Variants in NAA11 observed in about 807,000 individuals in gnomAD.
The protein encoded by NAA11 is N-alpha-acetyltransferase 11.
Under a neutral mutation model 16.1 loss-of-function variants are expected in NAA11, and 15 were observed. The observed-to-expected ratio is 0.93, with a 90% CI of 0.62 to 1.44. The LOEUF is 1.44. Ranked by LOEUF, NAA11 falls within the 40% of genes most tolerant of loss-of-function variation. NAA11 has a pLI of 0.00. For synonymous variants in NAA11, 122 were observed against 112.4 expected, an observed-to-expected ratio of 1.09 and a Z score of -0.54; for missense variants, 298 against 291.3, an observed-to-expected ratio of 1.02 and a Z score of -0.17.
chr4:79,230,864 T>C (rs1721445886), intron 2 of NAA11, among the ~76,000 whole-genome samples: 1 of 152,064 alleles, frequency 6.6e-6, no homozygotes. Context: ...TCCATAGTTC[T>C]ACTCTCCCAT....
At chr4:79,174,847 C>T in the NAA11 span, among the ~76,000 whole-genome samples, 23 of 152,096 alleles carry the variant, frequency 1.5e-4, no homozygotes, top group South Asian at 4.2e-3. Context: ...ACCTCTTATC[C>T]GAATGCAAAT....
chr4:79,213,387 A>G, the NAA11 span, among the ~76,000 whole-genome samples: 5 of 152,036 alleles, frequency 3.3e-5, no homozygotes, highest in Non-Finnish European at 5.9e-5. Context: ...AATCAGAGCC[A>G]TGGTTTGAGG....
chr4:79,292,084 C>T (rs755081208), intron 2 of NAA11, among the ~76,000 whole-genome samples: 5 of 152,106 alleles, frequency 3.3e-5, no homozygotes, highest in East Asian at 1.9e-4. Context: ...ATGTGTGTGC[C>T]GCTCCAATAA....
At chr4:79,305,835 T>G (rs1344363087) in intron 1 of NAA11, among the ~76,000 whole-genome samples, 2 of 152,132 alleles carry the variant, frequency 1.3e-5, no homozygotes, top group African/African-American at 4.8e-5. Context: ...AAAATCTAGT[T>G]TTCATCATTT....
intron 2 of NAA11, among the ~76,000 whole-genome samples, chr4:79,277,674 C>A (rs558538038): frequency 6.6e-6 from 1 of 152,118 alleles, no homozygotes; most frequent in South Asian, 2.1e-4. Context: ...TAACTCATTC[C>A]GATTACCTGC....
downstream of NAA11, among the ~76,000 whole-genome samples, chr4:79,312,941 G>C (rs1479339958): frequency 6.6e-6 from 1 of 152,194 alleles, no homozygotes; most frequent in African/African-American, 2.4e-5. Flanking sequence ...TTAGGTCATA[G>C]AGAGTAAAAG....
chr4:79,167,677 A>G, the NAA11 span, among the ~76,000 whole-genome samples: 398 of 152,062 alleles, frequency 2.6e-3, 3 homozygotes, highest in African/African-American at 8.9e-3. Flanking sequence ...TCAAGAAAAG[A>G]GGTTTAATTG....
At chr4:79,194,430 A>G in the NAA11 span, among the ~76,000 whole-genome samples, 1 of 152,092 alleles carries the variant, frequency 6.6e-6, no homozygotes, top group Non-Finnish European at 1.5e-5. Context: ...GGCTTTCTGA[A>G]TGATGTGATG....
At chr4:79,194,177 A>G in the NAA11 span, among the ~76,000 whole-genome samples, 2 of 136,470 alleles carry the variant, frequency 1.5e-5, no homozygotes, top group East Asian at 4.3e-4. Context: ...AACAGGGACA[A>G]TTTGACTTCC....
At chr4:79,250,415 T>C (rs985112559) in intron 2 of NAA11, among the ~76,000 whole-genome samples, 2 of 152,240 alleles carry the variant, frequency 1.3e-5, no homozygotes, top group Non-Finnish European at 2.9e-5. Flanking sequence ...CCTGAGATGA[T>C]TGAGTTCCAC....
chr4:79,268,854 C>T (rs1435384282), intron 2 of NAA11, among the ~76,000 whole-genome samples: 1 of 103,154 alleles, frequency 9.7e-6, no homozygotes, highest in East Asian at 3.6e-4. Context: ...CTCCCCCCTC[C>T]CCCCACCCCA....
At chr4:79,232,392 G>A (rs2109956334) in intron 2 of NAA11, among the ~76,000 whole-genome samples, 1 of 151,920 alleles carries the variant, frequency 6.6e-6, no homozygotes, top group African/African-American at 2.4e-5. Flanking sequence ...TTGTGGCATG[G>A]CATTGAAACA....
chr4:79,163,462 G>C, the NAA11 span, among the ~76,000 whole-genome samples: 1 of 152,096 alleles, frequency 6.6e-6, no homozygotes, highest in Non-Finnish European at 1.5e-5. Context: ...GTAAGGAATG[G>C]TGAAGAAGAG....
chr4:79,286,796 T>TA (rs1292915153), intron 2 of NAA11, among the ~76,000 whole-genome samples: 1 of 152,116 alleles, frequency 6.6e-6, no homozygotes, highest in Admixed American at 6.5e-5. Flanking sequence ...CTGAGACTGT[T>TA]AGAATTATTT....
chr4:79,269,694 C>T (rs1722442930), intron 2 of NAA11, among the ~76,000 whole-genome samples: 1 of 144,976 alleles, frequency 6.9e-6, no homozygotes, highest in African/African-American at 2.6e-5. Flanking sequence ...TGTGCAGAAG[C>T]TCTTTAGTTT....
the NAA11 span, among the ~76,000 whole-genome samples, chr4:79,219,467 T>G: frequency 2.0e-5 from 3 of 152,206 alleles, no homozygotes; most frequent in Non-Finnish European, 4.4e-5. Flanking sequence ...TCCATTTTTC[T>G]TTTATTATCC....
intron 2 of NAA11, among the ~76,000 whole-genome samples, chr4:79,287,549 G>A (rs993866748): frequency 3.3e-5 from 5 of 151,894 alleles, no homozygotes; most frequent in Non-Finnish European, 7.4e-5. Context: ...GGTCTCTTAG[G>A]TTAGCTTTAT....
At chr4:79,312,488 T>G (rs1723801115), downstream of NAA11, among the ~76,000 whole-genome samples, 3 of 151,806 alleles carry the variant, frequency 2.0e-5, no homozygotes, top group Admixed American at 2.0e-4. Context: ...CCATCTCTAC[T>G]AAAAATACAA....
the NAA11 span, among the ~76,000 whole-genome samples, chr4:79,184,623 G>C: frequency 6.6e-6 from 1 of 152,154 alleles, no homozygotes; most frequent in African/African-American, 2.4e-5. Context: ...GCATTGCTTA[G>C]AGCTTACTCA....
Sources: gnomAD v4.1 joint callset for allele counts (sites outside exome capture counted in the v4.1 genomes callset) on GRCh38, gnomAD v4.1.1 for gene constraint, MANE v1.5 for transcripts, NCBI Gene and HGNC (gene_info 2026-07-23, HGNC 2026-07-21) for gene names.